OTUD7A: variants seen among roughly 807,000 people sequenced by gnomAD.
OTUD7A encodes the protein OTU domain-containing protein 7A.
Under a neutral mutation model 65.7 loss-of-function variants are expected in OTUD7A, and 12 were observed. The ratio of observed to expected loss-of-function variants is 0.18; its 90% CI spans 0.12 to 0.30. The LOEUF is 0.30. Ranked by LOEUF, OTUD7A falls within the 10% of genes least tolerant of loss-of-function variation. The probability of loss-of-function intolerance (pLI) is 1.00; values close to 1 mark genes in which losing one functional copy is unlikely to be tolerated. For synonymous variants in OTUD7A, 641 were observed against 586.3 expected (o/e 1.09, Z -1.35); for missense variants, 1,148 against 1,304.8 (o/e 0.88, Z 1.85).
Position 31,788,045 on chromosome 15 carries a change from C to G in OTUD7A, c.-100+82462G>C, listed in dbSNP as rs921437062. Among the ~76,000 whole-genome samples, 8 of 152,182 alleles carry G rather than the reference C, an allele frequency of 5.3e-5. No homozygotes were observed. The East Asian group carries it at 1.3e-3, about 26-fold the overall frequency. ...CTAAGTCATTCCACAGTGCCAGACC[C>G]CACATGGCACTCAATAATTAATTTT... On this transcript the variant is annotated intron_variant, in intron 1 of 12. Coordinates refer to ENST00000307050, the MANE Select transcript of OTUD7A (RefSeq NM_001382637.1).
intron 3 of OTUD7A, among the ~76,000 whole-genome samples, chr15:31,571,255 G>T (rs941595598): frequency 5.3e-5 from 8 of 152,028 alleles, no homozygotes; most frequent in Admixed American, 1.3e-4. Context: ...TAAAAACTTA[G>T]CCTTAATTTT....
chr15:31,577,705 A>T (rs1317998627), intron 3 of OTUD7A, among the ~76,000 whole-genome samples: 2 of 151,896 alleles, frequency 1.3e-5, no homozygotes, highest in Non-Finnish European at 2.9e-5. Flanking sequence ...GTCTCAAAAA[A>T]TATATATATA....
intron 1 of OTUD7A, among the ~76,000 whole-genome samples, chr15:31,713,633 T>C (rs2648223): frequency 0.96 from 143,497 of 149,346 alleles, 69,204 homozygotes; most frequent in East Asian, 1. Context: ...ACGACAACAA[T>C]AAAAAACCCT....
intron 8 of OTUD7A, among the ~76,000 whole-genome samples, chr15:31,511,736 CACAT>C: frequency 5.1e-5 from 2 of 39,406 alleles, no homozygotes; most frequent in Admixed American, 5.6e-4. Context: ...ATATGTAACA[CACAT>C]ATATATGTAT....
chr15:31,709,932 T>A (rs1348774205), intron 1 of OTUD7A, among the ~76,000 whole-genome samples: 1 of 150,760 alleles, frequency 6.6e-6, no homozygotes, highest in African/African-American at 2.4e-5. Flanking sequence ...ATGGTCTAAG[T>A]CCTTTTGTTA....
intron 3 of OTUD7A, among the ~76,000 whole-genome samples, chr15:31,646,633 G>A (rs1162726390): frequency 2.0e-5 from 3 of 151,844 alleles, no homozygotes; most frequent in Non-Finnish European, 4.4e-5. Context: ...GCTAATTTTT[G>A]TATTTTTAGT....
intron 1 of OTUD7A, among the ~76,000 whole-genome samples, chr15:31,765,024 T>C (rs1256459604): frequency 6.6e-6 from 1 of 151,282 alleles, no homozygotes; most frequent in Non-Finnish European, 1.5e-5. Context: ...TCTGGAATAA[T>C]GAAAGGCACA....
chr15:31,595,912 C>T (rs1276761785), intron 3 of OTUD7A, among the ~76,000 whole-genome samples: 1 of 152,044 alleles, frequency 6.6e-6, no homozygotes, highest in African/African-American at 2.4e-5. Context: ...TTTCTCCATC[C>T]CCAAGCCAGC....
intron 1 of OTUD7A, chr15:31,767,679 C>CTTA (rs1405768087): frequency 1.4e-6 from 1 of 738,020 alleles, no homozygotes; most frequent in African/African-American, 1.7e-5. Flanking sequence ...AGTTCTCTAT[C>CTTA]ATCAACTGCA....
intron 1 of OTUD7A, among the ~76,000 whole-genome samples, chr15:31,783,561 A>T (rs1284410744): frequency 6.6e-6 from 1 of 152,228 alleles, no homozygotes; most frequent in Non-Finnish European, 1.5e-5. Context: ...AAAACAGTTT[A>T]AGAATATCTT....
intron 1 of OTUD7A, among the ~76,000 whole-genome samples, chr15:31,781,488 T>C (rs1895538563): frequency 6.6e-6 from 1 of 152,104 alleles, no homozygotes; most frequent in East Asian, 1.9e-4. Flanking sequence ...TCCAAGGTTG[T>C]ATTAACCATT....
chr15:31,689,684 T>A (rs1001846158), intron 1 of OTUD7A, among the ~76,000 whole-genome samples: 2 of 152,188 alleles, frequency 1.3e-5, no homozygotes, highest in Non-Finnish European at 2.9e-5. Flanking sequence ...CAACACACGA[T>A]CCCACCCTTT....
chr15:31,631,871 T>C (rs1249116920), intron 3 of OTUD7A, among the ~76,000 whole-genome samples: 3 of 152,260 alleles, frequency 2.0e-5, no homozygotes, highest in East Asian at 3.8e-4. Flanking sequence ...TTTCTTCCAG[T>C]TGATTGCATC....
At chr15:31,851,166 G>A (rs192343501) in intron 1 of OTUD7A, among the ~76,000 whole-genome samples, 1 of 152,200 alleles carries the variant, frequency 6.6e-6, no homozygotes, top group South Asian at 2.1e-4. Flanking sequence ...CAAAATCAAA[G>A]ACCAAGAGGC....
chr15:31,789,266 C>T (rs1023254759), intron 1 of OTUD7A, among the ~76,000 whole-genome samples: 4 of 152,130 alleles, frequency 2.6e-5, no homozygotes, highest in Non-Finnish European at 4.4e-5. Context: ...TCACATCCAG[C>T]CTCTGTTCAA....
chr15:31,492,332 A>G (rs1368761420), intron 10 of OTUD7A, among the ~76,000 whole-genome samples: 2 of 152,208 alleles, frequency 1.3e-5, no homozygotes, highest in Non-Finnish European at 2.9e-5. Context: ...TAATTCCAAC[A>G]CTTTGGGAGG....
chr15:31,816,419 G>C (rs570412437), intron 1 of OTUD7A, among the ~76,000 whole-genome samples: 2 of 152,086 alleles, frequency 1.3e-5, no homozygotes, highest in Admixed American at 6.5e-5. Flanking sequence ...GGCTGGGCAC[G>C]GTGGCTCATG....
At chr15:31,576,931 A>C (rs1889220164) in intron 3 of OTUD7A, among the ~76,000 whole-genome samples, 1 of 152,146 alleles carries the variant, frequency 6.6e-6, no homozygotes, top group Admixed American at 6.5e-5. Flanking sequence ...ACACCTTGTA[A>C]TACCGCCTTT....
At chr15:31,764,690 T>C (rs1399205853) in intron 1 of OTUD7A, among the ~76,000 whole-genome samples, 1 of 152,212 alleles carries the variant, frequency 6.6e-6, no homozygotes, top group Non-Finnish European at 1.5e-5. Context: ...GGATGAATAT[T>C]GGAATCACCT....
Sources: allele counts gnomAD v4.1 joint callset (sites outside exome capture counted in the v4.1 genomes callset), GRCh38; gene constraint gnomAD v4.1.1; transcripts MANE v1.5; gene names NCBI Gene and HGNC (gene_info 2026-07-23, HGNC 2026-07-21).